MARK2: variants seen among roughly 807,000 people sequenced by gnomAD.
The protein encoded by MARK2 is microtubule affinity regulating kinase 2, also known as serine/threonine-protein kinase MARK2.
MARK2 carries 16 observed loss-of-function variants against 89.8 expected under a neutral mutation model. The ratio of observed to expected loss-of-function variants is 0.18; its 90% CI spans 0.12 to 0.27. The LOEUF (loss-of-function observed/expected upper bound fraction) is 0.27, where lower values mean the gene tolerates loss of function less well. Among genes scored for constraint, MARK2 ranks in the 10% least tolerant of loss-of-function variants. MARK2 has a pLI of 1.00. For missense variants in MARK2, 621 were observed against 1,049.9 expected, an observed-to-expected ratio of 0.59 and a Z score of 5.65; for synonymous variants, 382 against 399.5, an observed-to-expected ratio of 0.96 and a Z score of 0.52.
At chr11:63,876,944 G>A (rs906501651) in intron 1 of MARK2, among the ~76,000 whole-genome samples, 1 of 151,954 alleles carries the variant, frequency 6.6e-6, no homozygotes, top group Non-Finnish European at 1.5e-5. Flanking sequence ...CCATTCCCAG[G>A]TTCATACCAC....
At chr11:63,873,272 CT>C (rs1246806362) in intron 1 of MARK2, among the ~76,000 whole-genome samples, 1 of 152,090 alleles carries the variant, frequency 6.6e-6, no homozygotes, top group Non-Finnish European at 1.5e-5. Context: ...TACAATATCC[CT>C]TTTTTCCCGA....
chr11:63,907,657 AGGTCGGAGGAGGCC>A (rs1007824137), intron 17 of MARK2, among the ~76,000 whole-genome samples: 2 of 152,190 alleles, frequency 1.3e-5, no homozygotes, highest in African/African-American at 4.8e-5. Context: ...GAGTTGGGAA[AGGTCGGAGGAGGCC>A]GCCTTTTCCA....
At chr11:63,847,306 AAATG>A (rs1332032322) in intron 1 of MARK2, among the ~76,000 whole-genome samples, 4 of 152,228 alleles carry the variant, frequency 2.6e-5, no homozygotes, top group Non-Finnish European at 5.9e-5. Context: ...TTATAAAACT[AAATG>A]AACAGAAGAT....
At chr11:63,898,045 G>C (rs1173833269) in intron 3 of MARK2, among the ~76,000 whole-genome samples, 187 bp from the exon 4 acceptor site, 1 of 152,152 alleles carries the variant, frequency 6.6e-6, no homozygotes, top group African/African-American at 2.4e-5. Flanking sequence ...CCCACAGCCA[G>C]CCCTCCTCCA....
At position 63,898,259 on chromosome 11, in the gene MARK2, G is replaced by T. The variant is rs781534420; in HGVS notation, c.316G>T (p.Val106Phe). 4 of 1,614,058 alleles carry T rather than the reference G, an allele frequency of 2.5e-6. No homozygotes were observed. Among genetic ancestry groups the T allele is most frequent in the Non-Finnish European group, 3.4e-6 (4 of 1,179,914 alleles). The change falls in exon 4 of 19, where the codon GTT becomes TTT. Residue 106 changes from valine to phenylalanine, a missense_variant. By Grantham distance (50) the Val-to-Phe change is conservative. Coordinates refer to ENST00000402010, the MANE Select transcript of MARK2 (RefSeq NM_001039469.3). ...ATTCCGCGAAGTAAGAATAATGAAG[G>T]TTTTGAATCATCCCAACATAGGTGA... ...KLFREVRIMK[V>F]LNHPNIVKLF...
Position 63,884,812 on chromosome 11 carries a change from C to T in MARK2, c.55-10347C>T, listed in dbSNP as rs150978147. 6.6e-4 allele frequency among the ~76,000 whole-genome samples: 100 copies of T among 152,228 alleles called. 3 individuals carry two copies. Among genetic ancestry groups the T allele is most frequent in the Admixed American group, 3.3e-3 (51 of 15,300 alleles). ...GATAGTTGCTCATGGCAGTTGATAG[C>T]GATAGTTGCTCAGAATCAAAGGATG... On this transcript the variant is annotated intron_variant, in intron 1 of 18. Coordinates refer to ENST00000402010, the MANE Select transcript of MARK2 (RefSeq NM_001039469.3).
intron 1 of MARK2, among the ~76,000 whole-genome samples, chr11:63,853,378 G>A (rs1411409171): frequency 7.3e-5 from 11 of 150,172 alleles, no homozygotes; most frequent in Admixed American, 6.0e-4. Context: ...CAGCCTGGGC[G>A]ACAAGAGCGA....
chr11:63,875,032 C>G (rs1160069592), intron 1 of MARK2, among the ~76,000 whole-genome samples: 2 of 152,078 alleles, frequency 1.3e-5, no homozygotes, highest in Non-Finnish European at 2.9e-5. Context: ...CTCACTGCAG[C>G]CTCAACTTCC....
At chr11:63,879,898 T>C (rs745767037) in intron 1 of MARK2, among the ~76,000 whole-genome samples, 1 of 152,134 alleles carries the variant, frequency 6.6e-6, no homozygotes, top group South Asian at 2.1e-4. Context: ...GGAGGCAGTA[T>C]TTGTTCACTT....
chr11:63,898,200 G>A, intron 3 of MARK2, 32 bp from the exon 4 acceptor site: 4 of 1,604,156 alleles, frequency 2.5e-6, no homozygotes, highest in Non-Finnish European at 3.4e-6. Context: ...AGCAAGTTGG[G>A]CAGGCATGAC....
chr11:63,884,542 G>C (rs1939283047), intron 1 of MARK2, among the ~76,000 whole-genome samples: 1 of 152,230 alleles, frequency 6.6e-6, no homozygotes, highest in Non-Finnish European at 1.5e-5. Context: ...TTGTGCTTAA[G>C]TTGCAGGCTC....
intron 1 of MARK2, among the ~76,000 whole-genome samples, chr11:63,857,241 A>G (rs1019826417): frequency 3.3e-5 from 5 of 152,160 alleles, no homozygotes; most frequent in African/African-American, 1.2e-4. Context: ...ATGTTGGCTC[A>G]CTGCAACTTC....
intron 1 of MARK2, among the ~76,000 whole-genome samples, chr11:63,891,314 T>C (rs1264105303): frequency 6.6e-6 from 1 of 152,156 alleles, no homozygotes; most frequent in Admixed American, 6.6e-5. Context: ...GATTTAGGAT[T>C]TGAAACCTGG....
In MARK2 at chr11:63,909,250, AGCGGGGGCG is replaced by A. The variant is rs779914213; in HGVS notation, c.*24_*32del. 46 of 1,570,750 alleles carry A rather than the reference AGCGGGGGCG, an allele frequency of 2.9e-5. 1 individual carries two copies. In the Middle Eastern group the frequency reaches 5.2e-4, roughly 18 times the overall value. ...GCTGAAGCTTTAACAGGCTGCCAGGAGCGGGGGCGGCGGGGGCGGGCCAGCTGGACGGGC... is the reference window on the plus strand; with the variant it reads ...GCTGAAGCTTTAACAGGCTGCCAGGAGCGGGGGCGGGCCAGCTGGACGGGC... On this transcript the variant is annotated 3_prime_UTR_variant, in exon 19 of 19. Coordinates refer to ENST00000402010, the MANE Select transcript of MARK2 (RefSeq NM_001039469.3).
intron 1 of MARK2, among the ~76,000 whole-genome samples, chr11:63,853,310 A>G (rs1012722043): frequency 6.6e-6 from 1 of 152,104 alleles, no homozygotes; most frequent in Non-Finnish European, 1.5e-5. Context: ...GAGGCAGGAG[A>G]ATCGTTTGAA....
chr11:63,888,992 A>G, intron 1 of MARK2: 1 of 1,339,194 alleles, frequency 7.5e-7, no homozygotes, highest in Non-Finnish European at 9.9e-7. Context: ...TTACTCTAGG[A>G]TTGCCTCCTC....
At chr11:63,892,361 A>G (rs189015979) in intron 1 of MARK2, among the ~76,000 whole-genome samples, 1 of 152,322 alleles carries the variant, frequency 6.6e-6, no homozygotes, top group Non-Finnish European at 1.5e-5. Context: ...GAATCAGGAT[A>G]CTGTACTTAA....
chr11:63,860,947 G>T (rs1434631277), intron 1 of MARK2, among the ~76,000 whole-genome samples: 2 of 151,910 alleles, frequency 1.3e-5, no homozygotes, highest in East Asian at 1.9e-4. Flanking sequence ...GTTTAATCAA[G>T]TGCTCAACAT....
At position 63,857,838 on chromosome 11, in the gene MARK2, T is replaced by A. The variant is rs139945889; in HGVS notation, c.54+18278T>A. ...TCTCCATGACTTTGGTTGATACATTTTTTTTTTATTTTTTTATTTTTTGAG... is the reference window on the plus strand; with the variant it reads ...TCTCCATGACTTTGGTTGATACATTATTTTTTTATTTTTTTATTTTTTGAG... On this transcript the variant is annotated intron_variant, in intron 1 of 18. Transcript: ENST00000402010. Among the ~76,000 whole-genome samples the A allele has an allele frequency of 4.6e-5, 7 of 152,208 alleles. No individual in the cohort carries two copies. In the East Asian group the frequency reaches 9.6e-4, roughly 21 times the overall value.
Sources: gnomAD v4.1 joint callset for allele counts (sites outside exome capture counted in the v4.1 genomes callset) on GRCh38, gnomAD v4.1.1 for gene constraint, MANE v1.5 for transcripts, NCBI Gene and HGNC (gene_info 2026-07-23, HGNC 2026-07-21) for gene names.